IGSF9B: variants seen among roughly 807,000 people sequenced by gnomAD.
The protein encoded by IGSF9B is protein turtle homolog B.
IGSF9B carries 48 observed loss-of-function variants against 143.7 expected under a neutral mutation model. The ratio of observed to expected loss-of-function variants is 0.33; its 90% CI spans 0.26 to 0.42. The LOEUF (loss-of-function observed/expected upper bound fraction) is 0.42. Among genes scored for constraint, IGSF9B ranks in the 20% least tolerant of loss-of-function variants. The pLI is 1.00. For missense variants in IGSF9B, 1,706 were observed against 1,980.0 expected (o/e 0.86, Z 2.63); for synonymous variants, 903 against 833.1 (o/e 1.08, Z -1.44).
Position 133,922,585 on chromosome 11 carries a change from C to T in IGSF9B, c.2265G>A (p.Lys755=). Residue 755 remains lysine (K), a synonymous_variant, in exon 16 of 20, where the codon AAG becomes AAA. Transcript: ENST00000533871. ...GACACCCACCTTTTTTGCGCTTGAG[C>T]TTACGCTTGCGCTGCTTGTTGACAA... ...ACFVNKQRKR[K]LKRKKDPPLS... The T allele has an allele frequency of 6.2e-7, 1 of 1,611,440 alleles. No individual in the cohort carries two copies. Among genetic ancestry groups the T allele is most frequent in the East Asian group, 2.2e-5 (1 of 44,834 alleles).
In IGSF9B at chr11:133,932,058, A is replaced by G. The variant is rs1396734415; in HGVS notation, c.1110+13T>C. ...GCCCTCACTCCAACCCTCAACATGC[A>G]TCTCTCTAGCACCTTCTCAACCTGC... On this transcript the variant is annotated intron_variant, in intron 8 of 19. Coordinates refer to ENST00000533871, the MANE Select transcript of IGSF9B (RefSeq NM_001277285.4). 6 of 1,603,112 alleles carry G rather than the reference A, an allele frequency of 3.7e-6. No individual in the cohort carries two copies. The African/African-American group carries it at 8.0e-5, about 21-fold the overall frequency.
rs772711910 is a variant in IGSF9B at position 133,931,078 on chromosome 11, G to A, written c.1425C>T (p.Phe475=). 6.2e-7 allele frequency: 1 copy of A among 1,613,816 alleles called. No homozygotes were observed. Among genetic ancestry groups the A allele is most frequent in the Non-Finnish European group, 8.5e-7 (1 of 1,179,810 alleles). Residue 475 remains phenylalanine (F), a synonymous_variant, in exon 11 of 20, where the codon TTC becomes TTT. Transcript: ENST00000533871. This position sits in a 1 kb window ranked among gnomAD's most constrained non-coding sequence, Gnocchi z 7.7. ...CGTGGTCCTCCTTACTCAGGGCACG[G>A]AACTGCAGGCTCCCACTGGGCAGGG... The part of the protein sequence containing the change: ...HSALPSGSLQ[F]RALSKEDHGE...
At chr11:133,933,274 T>G (rs1259281642) in intron 7 of IGSF9B, among the ~76,000 whole-genome samples, 3 of 151,914 alleles carry the variant, frequency 2.0e-5, no homozygotes, top group African/African-American at 4.8e-5. Flanking sequence ...CCCACACCCT[T>G]CCCCAACAGC....
chr11:133,920,565 C>T lies in IGSF9B; in HGVS notation c.3160G>A (p.Ala1054Thr), dbSNP rs1177807243. The change falls in exon 18 of 20, where the codon GCG becomes ACG. Residue 1054 changes from alanine to threonine, a missense_variant. Physicochemically the swap from Ala to Thr is moderately conservative, Grantham distance 58. This residue lies in a region of IGSF9B where 880 missense variants were observed against 762.9 expected (regional missense o/e 1.15). Coordinates refer to ENST00000533871, the MANE Select transcript of IGSF9B (RefSeq NM_001277285.4). ...GGCAGCTGGTGGGGGAACATCATCG[C>T]TGGGGTCTCCAGCCCCCCGAAGGGG... is the stretch of plus-strand genomic sequence containing the variant. ...EFPFGGLETP[A>T]MMFPHQLPPC... 2 of 1,613,100 alleles carry T rather than the reference C, an allele frequency of 1.2e-6. No individual in the cohort carries two copies. Among genetic ancestry groups the T allele is most frequent in the Non-Finnish European group, 1.7e-6 (2 of 1,179,682 alleles).
chr11:133,954,198 C>T (rs34732290), intron 1 of IGSF9B, among the ~76,000 whole-genome samples: 4,450 of 152,176 alleles, frequency 0.029, 98 homozygotes, highest in Middle Eastern at 0.044. Flanking sequence ...GGCGCCCACC[C>T]GCTCTCTCCA....
At chr11:133,929,879 C>T in intron 11 of IGSF9B, 97 bp from the exon 12 acceptor site, 1 of 774,082 alleles carries the variant, frequency 1.3e-6, no homozygotes, top group Non-Finnish European at 2.2e-6. Context: ...GGCTGAAGCG[C>T]ATGGCAGCGG....
rs367790891 is a variant in IGSF9B at position 133,919,951 on chromosome 11, G to A, written c.3774C>T (p.Pro1258=). The A allele has an allele frequency of 2.1e-5, 33 of 1,560,220 alleles. No homozygotes were observed. Among genetic ancestry groups the A allele is most frequent in the Non-Finnish European group, 2.9e-5 (33 of 1,152,304 alleles). The change falls in exon 18 of 20, where the codon CCC becomes CCT. Residue 1258 remains proline (P), a synonymous_variant. Transcript: ENST00000533871. ...SRKSTPSTGS[P]SQSSRSGSPS... is the part of the protein sequence containing the mutation. Reference sequence around the variant, plus strand: ...GACTCCCACTGCGGCTGCTCTGGGAGGGGGAGCCTGTGGACGGCGTAGACT... The same window carrying A: ...GACTCCCACTGCGGCTGCTCTGGGAAGGGGAGCCTGTGGACGGCGTAGACT...
rs919714667 is a variant in IGSF9B at position 133,931,400 on chromosome 11, C to T, written c.1368+53G>A. On this transcript the variant is annotated intron_variant, in intron 10 of 19. Coordinates refer to ENST00000533871, the MANE Select transcript of IGSF9B (RefSeq NM_001277285.4). This position sits in a 1 kb window ranked among gnomAD's most constrained non-coding sequence, Gnocchi z 7.7. Reference sequence around the variant, plus strand: ...CTCAAACCTCCCCGCAGCCCCAGGGCTCCCTGGGCCCTCACACCTCCCTGC... The same window carrying T: ...CTCAAACCTCCCCGCAGCCCCAGGGTTCCCTGGGCCCTCACACCTCCCTGC... 20 of 1,329,476 alleles carry T rather than the reference C, an allele frequency of 1.5e-5. No homozygotes were observed. In the African/African-American group the frequency reaches 2.2e-4, roughly 15 times the overall value. 82.4% of individuals were successfully genotyped at this position (1,329,476 alleles called of 1,614,324 possible).
chr11:133,921,006 C>G lies in IGSF9B; in HGVS notation c.2719G>C (p.Ala907Pro). Residue 907 changes from alanine (A) to proline (P), a missense_variant, in exon 18 of 20, where the codon GCC becomes CCC. By Grantham distance (27) the Ala-to-Pro change is conservative. This residue lies in a region of IGSF9B where 880 missense variants were observed against 762.9 expected (regional missense o/e 1.15). Coordinates refer to ENST00000533871, the MANE Select transcript of IGSF9B (RefSeq NM_001277285.4). ...AGAGGGGTGAGCTGGGACTTCAGGG[C>G]GGCCACAGATGTGGGCACCAGTGGG... is the stretch of plus-strand genomic sequence containing the variant. The part of the protein sequence containing the change: ...EDPLVPTSVA[A>P]LKSQLTPLSS... 6.2e-7 allele frequency: 1 copy of G among 1,611,708 alleles called. No homozygotes were observed. Among genetic ancestry groups the G allele is most frequent in the Non-Finnish European group, 8.5e-7 (1 of 1,178,400 alleles).
chr11:133,949,500 A>G (rs1940120293), intron 1 of IGSF9B, among the ~76,000 whole-genome samples: 1 of 152,202 alleles, frequency 6.6e-6, no homozygotes, highest in African/African-American at 2.4e-5. Flanking sequence ...TGGAGGATAG[A>G]TAGAGAAACC....
rs550204551 is a variant in IGSF9B, at chr11:133,928,976, A to C, written c.1631+695T>G. On this transcript the variant is annotated intron_variant, in intron 12 of 19. Coordinates refer to ENST00000533871, the MANE Select transcript of IGSF9B (RefSeq NM_001277285.4). The surrounding 1 kb of genome is among the most constrained non-coding windows in gnomAD (Gnocchi z 4.7). ...GTGGCCTCTGGGGAAAAGACAGAAT[A>C]AAAACTAGACTACAGGAGGTGGGGA... Among the ~76,000 whole-genome samples the C allele has an allele frequency of 1.3e-5, 2 of 152,334 alleles. No homozygotes were observed. Among genetic ancestry groups the C allele is most frequent in the South Asian group, 4.1e-4 (2 of 4,824 alleles).
At chr11:133,933,817 A>G (rs534111990) in intron 7 of IGSF9B, among the ~76,000 whole-genome samples, 1 of 152,190 alleles carries the variant, frequency 6.6e-6, no homozygotes, top group South Asian at 2.1e-4. Context: ...GTACTCCCCT[A>G]TTTCTCCTGA....
chr11:133,949,706 G>A (rs1040287574), intron 1 of IGSF9B, among the ~76,000 whole-genome samples: 1 of 151,780 alleles, frequency 6.6e-6, no homozygotes, highest in Non-Finnish European at 1.5e-5. Flanking sequence ...GGCAGATGGA[G>A]ACTGGAAGGG....
rs890682039 is a variant in IGSF9B at position 133,956,957 on chromosome 11, G to T, written c.-203C>A. ...CGCGCCTCCCCGGCCCCGGCGCAGC[G>T]GCACCTGCACTACTCGCCCGGGCGG... On this transcript the variant is annotated 5_prime_UTR_variant, in exon 1 of 20. Coordinates refer to ENST00000533871, the MANE Select transcript of IGSF9B (RefSeq NM_001277285.4). 3.7e-5 allele frequency: 14 copies of T among 376,134 alleles called. No homozygotes were observed. The highest frequency in any genetic ancestry group is 6.2e-5 in the Non-Finnish European group (13 of 210,750). The allele number at this position is 376,134 out of a possible 1,614,324, so 23.3% of individuals were successfully genotyped here. A position where few individuals can be genotyped will look rare whatever the true frequency, so the allele number is the denominator to read the frequency against.
Position 133,931,226 on chromosome 11 carries a change from C to T in IGSF9B, c.1369-92G>A, listed in dbSNP as rs1028547330. ...AGATGGGGAGGACGCGCCTGAGACC[C>T]CGGCCCGCCCACGCTGCCCTCCTCC... is the stretch of plus-strand genomic sequence containing the variant. On this transcript the variant is annotated intron_variant, in intron 10 of 19. Coordinates refer to ENST00000533871, the MANE Select transcript of IGSF9B (RefSeq NM_001277285.4). This position sits in a 1 kb window ranked among gnomAD's most constrained non-coding sequence, Gnocchi z 7.7. 9.0e-6 allele frequency: 12 copies of T among 1,336,542 alleles called. No individual in the cohort carries two copies. In the Admixed American group the frequency reaches 1.4e-4, roughly 15 times the overall value. 82.8% of individuals were successfully genotyped at this position (1,336,542 alleles called of 1,614,324 possible).
intron 1 of IGSF9B, among the ~76,000 whole-genome samples, chr11:133,949,664 G>A (rs1403469395): frequency 6.6e-6 from 1 of 151,754 alleles, no homozygotes; most frequent in Non-Finnish European, 1.5e-5. Context: ...GTGTGTCTGT[G>A]TTCTGTCAGA....
intron 11 of IGSF9B, among the ~76,000 whole-genome samples, chr11:133,930,731 G>A (rs1294737316): frequency 6.6e-6 from 1 of 152,196 alleles, no homozygotes; most frequent in Non-Finnish European, 1.5e-5. Flanking sequence ...TTTCCCTCAG[G>A]TGGGCTGCTG....
intron 1 of IGSF9B, chr11:133,952,048 C>T (rs1194420789): frequency 2.2e-6 from 1 of 455,724 alleles, no homozygotes; most frequent in Non-Finnish European, 4.4e-6. Context: ...TGAGCGGGAC[C>T]TTCTCAGAAA....
intron 1 of IGSF9B, among the ~76,000 whole-genome samples, chr11:133,955,634 C>A (rs1182068607): frequency 6.6e-6 from 1 of 152,184 alleles, no homozygotes; most frequent in African/African-American, 2.4e-5. Flanking sequence ...CGTGTCTGCG[C>A]GCTGACAGCC....
Sources: allele counts gnomAD v4.1 joint callset (sites outside exome capture counted in the v4.1 genomes callset), GRCh38; gene constraint gnomAD v4.1.1; regional missense constraint gnomAD v4.1.1; non-coding constraint Gnocchi (gnomAD v3.1); transcripts MANE v1.5; gene names NCBI Gene and HGNC (gene_info 2026-07-23, HGNC 2026-07-21).